ADAM18: variants seen among roughly 807,000 people sequenced by gnomAD.
ADAM18 encodes the protein disintegrin and metalloproteinase domain-containing protein 18.
A neutral mutation model predicts 94.4 loss-of-function variants in ADAM18; 117 were observed. That is an observed-to-expected ratio of 1.24 (90% CI 1.07 to 1.45). The LOEUF (loss-of-function observed/expected upper bound fraction) is 1.45, where lower values mean the gene tolerates loss of function less well. ADAM18 is among the 40% of genes most tolerant of loss of function. The pLI is 0.00. For missense variants in ADAM18, 936 were observed against 880.0 expected (o/e 1.06, Z -0.81); for synonymous variants, 327 against 291.6 (o/e 1.12, Z -1.24).
rs1367661032 is a variant in ADAM18, at chr8:39,585,349, G to A, written c.129G>A (p.Arg43=). 1 of 1,608,374 alleles carries A rather than the reference G, an allele frequency of 6.2e-7. No homozygotes were observed. The highest frequency in any genetic ancestry group is 1.1e-5 in the South Asian group (1 of 90,748). Residue 43 remains arginine (R), a synonymous_variant, in exon 2 of 20, where the codon AGG becomes AGA. Transcript: ENST00000265707. ...CAAATGACAGTGAAGTTTCAGAGAGGAAGGTAAATGATGAGGAATATTTAT... is the reference window on the plus strand; with the variant it reads ...CAAATGACAGTGAAGTTTCAGAGAGAAAGGTAAATGATGAGGAATATTTAT... ...IKSNDSEVSE[R]KMIYIITIDG... is the part of the protein sequence containing the mutation.
rs112369286 is a variant in ADAM18 at position 39,638,130 on chromosome 8, G to A, written c.828-335G>A. 7.6e-3 allele frequency among the ~76,000 whole-genome samples: 1,147 copies of A among 151,666 alleles called. 16 individuals are homozygous for A. Among genetic ancestry groups the A allele is most frequent in the African/African-American group, 0.026 (1,087 of 41,458 alleles). On this transcript the variant is annotated intron_variant, in intron 9 of 19. Transcript: ENST00000265707. ...AAATGCTTATCTTTAGGACTAGTAA[G>A]ATTGCTTCTTCCACAAATTAAAAAT... is the stretch of plus-strand genomic sequence containing the variant.
chr8:39,676,526 C>T (rs1424509709), intron 14 of ADAM18, among the ~76,000 whole-genome samples: 2 of 152,162 alleles, frequency 1.3e-5, no homozygotes, highest in African/African-American at 2.4e-5. Flanking sequence ...GGTAGGAGTG[C>T]CCCATTTTTC....
At chr8:39,678,578 G>A (rs762358259) in intron 15 of ADAM18, among the ~76,000 whole-genome samples, 13 of 152,138 alleles carry the variant, frequency 8.5e-5, no homozygotes, top group Non-Finnish European at 1.5e-4. Flanking sequence ...AGCACCAGGG[G>A]CCAGCAGTCT....
At chr8:39,654,282 C>A (rs748343710) in intron 12 of ADAM18, among the ~76,000 whole-genome samples, 1 of 151,098 alleles carries the variant, frequency 6.6e-6, no homozygotes, top group African/African-American at 2.5e-5. Context: ...CTCAGCCTCC[C>A]GAGTAGCTGG....
intron 15 of ADAM18, among the ~76,000 whole-genome samples, chr8:39,677,906 A>C (rs1489957081): frequency 6.6e-6 from 1 of 152,198 alleles, no homozygotes; most frequent in Non-Finnish European, 1.5e-5. Context: ...GTTGAGAAGA[A>C]GAAAGCTATT....
intron 1 of ADAM18, 52 bp from the exon 2 acceptor site, chr8:39,585,224 A>T: frequency 6.8e-7 from 1 of 1,461,888 alleles, no homozygotes; most frequent in South Asian, 1.2e-5. Flanking sequence ...CTTGACTGAG[A>T]CGATTGTTGA....
intron 10 of ADAM18, among the ~76,000 whole-genome samples, chr8:39,643,952 A>T (rs1043912756): frequency 4.0e-5 from 6 of 151,664 alleles, no homozygotes; most frequent in African/African-American, 1.5e-4. Context: ...ACTCCTTTCA[A>T]ATTCTGACAC....
intron 6 of ADAM18, among the ~76,000 whole-genome samples, chr8:39,623,482 A>G (rs1819673267): frequency 6.7e-6 from 1 of 149,696 alleles, no homozygotes; most frequent in South Asian, 2.1e-4. Flanking sequence ...GCTTGAAATA[A>G]GTTCCCTTTT....
chr8:39,715,293 A>G (rs1172357861), intron 18 of ADAM18, among the ~76,000 whole-genome samples: 1 of 152,048 alleles, frequency 6.6e-6, no homozygotes. Flanking sequence ...ATGAAATACA[A>G]CCTATCAAAA....
chr8:39,676,409 C>T (rs564122650), intron 14 of ADAM18, among the ~76,000 whole-genome samples: 33 of 152,308 alleles, frequency 2.2e-4, no homozygotes, highest in Admixed American at 8.5e-4. Context: ...CAGACTGCTG[C>T]GCTAGCAGTG....
chr8:39,673,548 A>C (rs758629483), intron 14 of ADAM18, among the ~76,000 whole-genome samples: 1 of 150,810 alleles, frequency 6.6e-6, no homozygotes, highest in African/African-American at 2.4e-5. Flanking sequence ...ATTCCCACCT[A>C]TGAGTGAGAA....
chr8:39,717,634 T>C (rs1822617687), intron 18 of ADAM18, among the ~76,000 whole-genome samples: 1 of 151,642 alleles, frequency 6.6e-6, no homozygotes, highest in Non-Finnish European at 1.5e-5. Flanking sequence ...AAGAAAAATG[T>C]GACCTATATA....
rs182282690 is a variant in ADAM18 at position 39,686,887 on chromosome 8, G to A, written c.1822-5713G>A. Among the ~76,000 whole-genome samples, 5 of 152,278 alleles carry A rather than the reference G, an allele frequency of 3.3e-5. No homozygotes were observed. In the East Asian group the frequency reaches 9.7e-4, roughly 29 times the overall value. On this transcript the variant is annotated intron_variant, in intron 16 of 19. Transcript: ENST00000265707. ...ACTAAAGGTATGTTTCCATTACTTT[G>A]TTTGGTGCATATTCATATGAAGCCA...
chr8:39,614,040 T>C (rs539823986), intron 6 of ADAM18, among the ~76,000 whole-genome samples: 1 of 152,272 alleles, frequency 6.6e-6, no homozygotes, highest in Admixed American at 6.5e-5. Flanking sequence ...AGCAAGCAAC[T>C]TGGAAAACAT....
At chr8:39,638,393 A>G (rs1820145441) in intron 9 of ADAM18, 72 bp from the exon 10 acceptor site, 1 of 998,768 alleles carries the variant, frequency 1.0e-6, no homozygotes, top group Non-Finnish European at 1.4e-6. Context: ...TATGTGAAGA[A>G]GGTTTAATTT....
At chr8:39,721,062 G>A (rs142835124) in intron 18 of ADAM18, among the ~76,000 whole-genome samples, 142 of 151,504 alleles carry the variant, frequency 9.4e-4, no homozygotes, top group African/African-American at 3.1e-3. Context: ...GCAACTATAA[G>A]CAACAACATC....
At chr8:39,663,690 A>G (rs867459764) in intron 12 of ADAM18, 105 bp from the exon 13 acceptor site, 7 of 677,466 alleles carry the variant, frequency 1.0e-5, no homozygotes, top group Middle Eastern at 3.8e-4. Flanking sequence ...ATATTGTATA[A>G]CTACAAGTTT....
chr8:39,609,589 G>A, intron 5 of ADAM18, 28 bp downstream of exon 5: 1 of 1,509,280 alleles, frequency 6.6e-7, no homozygotes, highest in East Asian at 2.3e-5. Flanking sequence ...GAAATCTATA[G>A]ATGGAGAACT....
rs374424418 is a variant in ADAM18 at position 39,622,593 on chromosome 8, G to C, written c.523-6781G>C. ...ATTTGTCTTGTGTGCTGTTATATTT[G>C]TTTAGAAAAACATCTAGTTTTGTCA... On this transcript the variant is annotated intron_variant, in intron 6 of 19. Coordinates refer to ENST00000265707, the MANE Select transcript of ADAM18 (RefSeq NM_014237.3). 5.9e-5 allele frequency among the ~76,000 whole-genome samples: 9 copies of C among 151,788 alleles called. No homozygotes were observed. In the East Asian group the frequency reaches 1.3e-3, roughly 23 times the overall value.
Sources: allele counts gnomAD v4.1 joint callset (sites outside exome capture counted in the v4.1 genomes callset), GRCh38; gene constraint gnomAD v4.1.1; transcripts MANE v1.5; gene names NCBI Gene and HGNC (gene_info 2026-07-23, HGNC 2026-07-21).